The following BCR variants were observed in gnomAD, a reference collection of about 807,000 sequenced individuals.
The protein encoded by BCR is breakpoint cluster region protein.
BCR carries 58 observed loss-of-function variants against 138.6 expected under a neutral mutation model. The observed-to-expected ratio is 0.42, with a 90% CI of 0.34 to 0.52. The LOEUF is 0.52. Among genes scored for constraint, BCR ranks in the 20% least tolerant of loss-of-function variants. BCR has a pLI of 0.06. For missense variants in BCR, 1,599 were observed against 1,727.2 expected (o/e 0.93, Z 1.32); for synonymous variants, 786 against 730.1 (o/e 1.08, Z -1.23).
intron 9 of BCR, among the ~76,000 whole-genome samples, chr22:23,284,563 C>G (rs1222184891): frequency 6.6e-6 from 1 of 152,192 alleles, no homozygotes; most frequent in Non-Finnish European, 1.5e-5. Flanking sequence ...GAAGGACCAG[C>G]ACGGGGCTCT....
At chr22:23,185,149 G>A (rs1210789407) in intron 1 of BCR, among the ~76,000 whole-genome samples, 6 of 152,302 alleles carry the variant, frequency 3.9e-5, no homozygotes, top group African/African-American at 1.4e-4. Flanking sequence ...CCCATTTACA[G>A]GTAAAGACAC....
At chr22:23,252,980 T>TCCAG (rs1467447926) in intron 1 of BCR, among the ~76,000 whole-genome samples, 2 of 152,210 alleles carry the variant, frequency 1.3e-5, no homozygotes, top group African/African-American at 4.8e-5. Flanking sequence ...TAACGTCAGG[T>TCCAG]GTCAGTAGCA....
At chr22:23,199,504 G>A (rs1436102582) in intron 1 of BCR, among the ~76,000 whole-genome samples, 1 of 152,212 alleles carries the variant, frequency 6.6e-6, no homozygotes, top group African/African-American at 2.4e-5. Flanking sequence ...GAGGCTTCTT[G>A]TGGAAGCGTC....
intron 13 of BCR, chr22:23,290,029 G>T: frequency 1.9e-6 from 1 of 521,802 alleles, no homozygotes; most frequent in East Asian, 3.4e-5. Flanking sequence ...CACAGCATAC[G>T]CTATGCACAT....
intron 14 of BCR, chr22:23,291,183 G>C (rs2073782651): frequency 6.6e-6 from 1 of 151,014 alleles, no homozygotes; most frequent in African/African-American, 2.4e-5. Flanking sequence ...ATTCCAGCCT[G>C]GGCGACAGAG....
intron 1 of BCR, among the ~76,000 whole-genome samples, chr22:23,245,024 G>C (rs1010140076): frequency 2.0e-5 from 3 of 152,182 alleles, no homozygotes; most frequent in African/African-American, 7.2e-5. Flanking sequence ...TGCCCACACT[G>C]AGGCACACTC....
At chr22:23,280,731 G>C (rs1340158795) in intron 8 of BCR, among the ~76,000 whole-genome samples, 1 of 152,186 alleles carries the variant, frequency 6.6e-6, no homozygotes, top group East Asian at 1.9e-4. Context: ...GGCTCCTGTG[G>C]GGATGATGAT....
chr22:23,252,767 A>T (rs1322633909), intron 1 of BCR, among the ~76,000 whole-genome samples: 1 of 152,096 alleles, frequency 6.6e-6, no homozygotes, highest in Non-Finnish European at 1.5e-5. Context: ...ACCCCCCTGT[A>T]TGGGGGAGAA....
chr22:23,219,663 CCT>C (rs140701221), intron 1 of BCR, among the ~76,000 whole-genome samples: 122 of 152,328 alleles, frequency 8.0e-4, no homozygotes, highest in African/African-American at 2.9e-3. Context: ...ACAGCTCCCT[CCT>C]CTCTGCTAGC....
At chr22:23,212,587 C>T (rs1416603667) in intron 1 of BCR, among the ~76,000 whole-genome samples, 2 of 152,214 alleles carry the variant, frequency 1.3e-5, no homozygotes, top group East Asian at 1.9e-4. Context: ...GTTGCAGGGC[C>T]GCCAGCATCT....
At position 23,186,843 on chromosome 22, in the gene BCR, C is replaced by T. The variant is rs1601990763; in HGVS notation, c.1279+4604C>T. ...TCTCCTGCTTCAGGAGTTCAGGATT[C>T]TCCTGCTTCAGCCTCCCGAGTAGCT... is the stretch of plus-strand genomic sequence containing the variant. On this transcript the variant is annotated intron_variant, in intron 1 of 22. Transcript: ENST00000305877. Among the ~76,000 whole-genome samples, 3 of 152,304 alleles carry T rather than the reference C, an allele frequency of 2.0e-5. No homozygotes were observed. In the Middle Eastern group the frequency reaches 0.01, roughly 518 times the overall value.
intron 10 of BCR, among the ~76,000 whole-genome samples, chr22:23,286,492 G>A (rs1568973944): frequency 6.6e-6 from 1 of 152,312 alleles, no homozygotes; most frequent in East Asian, 1.9e-4. Context: ...TGACCTCCAG[G>A]GTAGGGTGTC....
chr22:23,315,411 CT>C, intron 22 of BCR, 21 bp from the exon 23 acceptor site: 1 of 1,612,052 alleles, frequency 6.2e-7, no homozygotes, highest in South Asian at 1.1e-5. Context: ...CCACTCTTCT[CT>C]TCCCTACTCT....
intron 16 of BCR, among the ~76,000 whole-genome samples, chr22:23,308,192 C>G (rs551263758): frequency 9.9e-5 from 15 of 151,958 alleles, no homozygotes; most frequent in Admixed American, 2.0e-4. Flanking sequence ...ACGGTGGCTC[C>G]GTGACCTGGC....
At chr22:23,201,395 C>T (rs2072551601) in intron 1 of BCR, among the ~76,000 whole-genome samples, 1 of 152,238 alleles carries the variant, frequency 6.6e-6, no homozygotes, top group Admixed American at 6.5e-5. Context: ...TTCTAGAGCC[C>T]ACCCTGTTCA....
At chr22:23,208,500 T>C (rs899472917) in intron 1 of BCR, among the ~76,000 whole-genome samples, 4 of 152,178 alleles carry the variant, frequency 2.6e-5, no homozygotes, top group Non-Finnish European at 5.9e-5. Flanking sequence ...GTGTTGAGTA[T>C]GTTCATGTTG....
chr22:23,182,177 G>T lies in BCR; in HGVS notation c.1217G>T (p.Gly406Val). 6.2e-7 allele frequency: 1 copy of T among 1,603,502 alleles called. No individual in the cohort carries two copies. Among genetic ancestry groups the T allele is most frequent in the South Asian group, 1.1e-5 (1 of 90,640 alleles). Residue 406 changes from glycine (G) to valine (V), a missense_variant, in exon 1 of 23, where the codon GGC (glycine) becomes GTC (valine). By Grantham distance (109) the Gly-to-Val change is moderately radical. Coordinates refer to ENST00000305877, the MANE Select transcript of BCR (RefSeq NM_004327.4). ...PVVVSEATIV[G>V]VRKTGQIWPN... The stretch of plus-strand genomic sequence containing the variant: ...GTCGTGTCCGAGGCCACCATCGTGG[G>T]CGTCCGCAAGACCGGGCAGATCTGG...
At chr22:23,264,206 G>T in intron 4 of BCR, 1 of 1,195,856 alleles carries the variant, frequency 8.4e-7, no homozygotes, top group South Asian at 1.2e-5. Context: ...GCGTTGTACG[G>T]CTGTGGGACC....
intron 1 of BCR, among the ~76,000 whole-genome samples, chr22:23,229,632 G>A (rs1322969964): frequency 6.6e-6 from 1 of 152,204 alleles, no homozygotes; most frequent in Non-Finnish European, 1.5e-5. Flanking sequence ...GATCTGTGCT[G>A]TGCTGATTCT....
Sources: gnomAD v4.1 joint callset for allele counts (sites outside exome capture counted in the v4.1 genomes callset) on GRCh38, gnomAD v4.1.1 for gene constraint, MANE v1.5 for transcripts, NCBI Gene and HGNC (gene_info 2026-07-23, HGNC 2026-07-21) for gene names.